The following SKOR1 variants were observed in gnomAD, a reference collection of about 807,000 sequenced individuals.
SKOR1 encodes the protein SKI family transcriptional corepressor 1.
In SKOR1, 38 loss-of-function variants were observed where a neutral mutation model predicts 72.4. The observed-to-expected ratio is 0.52, with a 90% CI of 0.40 to 0.69. The LOEUF is 0.69. Among genes scored for constraint, SKOR1 ranks in the 30% least tolerant of loss-of-function variants. The pLI, the probability that SKOR1 is intolerant of heterozygous loss-of-function variation, is 0.00. For synonymous variants in SKOR1, 642 were observed against 599.4 expected, an observed-to-expected ratio of 1.07 and a Z score of -1.04; for missense variants, 1,320 against 1,343.2, an observed-to-expected ratio of 0.98 and a Z score of 0.27.
chr15:67,831,628 C>T (rs535532014), intron 5 of SKOR1, among the ~76,000 whole-genome samples: 92 of 152,266 alleles, frequency 6.0e-4, no homozygotes, highest in Middle Eastern at 3.4e-3. Context: ...ACACCTAGCT[C>T]CCTGCCCCTC....
intron 2 of SKOR1, 111 bp from the exon 3 acceptor site, chr15:67,829,068 C>A: frequency 4.1e-6 from 4 of 984,038 alleles, no homozygotes; most frequent in Non-Finnish European, 5.8e-6. Context: ...GCGGGCGCAC[C>A]AACCTTTGCC....
Position 67,827,892 on chromosome 15 carries a change from C to T in SKOR1, c.2064C>T (p.Gly688=), listed in dbSNP as rs774636537. 6 of 1,600,016 alleles carry T rather than the reference C, an allele frequency of 3.7e-6. No homozygotes were observed. Among genetic ancestry groups the T allele is most frequent in the South Asian group, 2.2e-5 (2 of 88,932 alleles). Residue 688 remains glycine, a synonymous_variant, in exon 2 of 9, where the codon GGC becomes GGT. Transcript: ENST00000380035. Reference sequence around the variant, plus strand: ...CCAGCGCACCCAGCGCAGGGGGCGGCCCAGACGGTGAACAGCCCACTGGAC... The same window carrying T: ...CCAGCGCACCCAGCGCAGGGGGCGGTCCAGACGGTGAACAGCCCACTGGAC... ...TEPSAPSAGG[G]PDGEQPTGPP...
rs2091025374 is a variant in SKOR1 at position 67,833,604 on chromosome 15, C to T, written c.2804-138C>T. 2.3e-6 allele frequency: 2 copies of T among 879,080 alleles called. No homozygotes were observed. The highest frequency in any genetic ancestry group is 3.6e-5 in the Admixed American group (2 of 55,034). The allele number at this position is 879,080 out of a possible 1,614,324, so 54.5% of individuals were successfully genotyped here. The stretch of plus-strand genomic sequence containing the variant: ...GAATCACCAGCTTTTGTCCTACCCT[C>T]CTGCCTCCTCCTGATCCGCTCGGTT... On this transcript the variant is annotated intron_variant, in intron 8 of 8. Transcript: ENST00000380035. The surrounding 1 kb of genome is among the most constrained non-coding windows in gnomAD (Gnocchi z 6.0).
Position 67,833,312 on chromosome 15 carries a change from C to G in SKOR1, c.2803+55C>G. The G allele has an allele frequency of 5.1e-6, 8 of 1,567,458 alleles. No homozygotes were observed. The highest frequency in any genetic ancestry group is 7.0e-6 in the Non-Finnish European group (8 of 1,139,520). ...GGGTGCTGGGTGCCGGCCGTGCTGTCGACTGAATGAATGAATAGTGGGACT... is the reference window on the plus strand; with the variant it reads ...GGGTGCTGGGTGCCGGCCGTGCTGTGGACTGAATGAATGAATAGTGGGACT... On this transcript the variant is annotated intron_variant, in intron 8 of 8. Transcript: ENST00000380035. This position sits in a 1 kb window ranked among gnomAD's most constrained non-coding sequence, Gnocchi z 6.0.
chr15:67,826,832 G>A lies in SKOR1; in HGVS notation c.1004G>A (p.Gly335Glu). ...CGCTGTGGCGAAGATGAGGCTGCCG[G>A]GCCTCCGGGGCCACCTCCACCCCAC... Reference protein sequence around the residue: ...SLRCGEDEAAGPPGPPPPHPQ... With the variant: ...SLRCGEDEAAEPPGPPPPHPQ... Residue 335 changes from glycine (G) to glutamate (E), a missense_variant, in exon 2 of 9, where the codon GGG becomes GAG. Coordinates refer to ENST00000380035, the MANE Select transcript of SKOR1 (RefSeq NM_001365915.1). 6.6e-7 allele frequency: 1 copy of A among 1,523,228 alleles called. No individual in the cohort carries two copies. The highest frequency in any genetic ancestry group is 1.2e-5 in the South Asian group (1 of 82,932). 94.4% of individuals were successfully genotyped at this position (1,523,228 alleles called of 1,614,324 possible). A position where few individuals can be genotyped will look rare whatever the true frequency, so the allele number is the denominator to read the frequency against.
At position 67,830,012 on chromosome 15, in the gene SKOR1, G is replaced by A. The variant is rs185286309; in HGVS notation, c.2408-179G>A. On this transcript the variant is annotated intron_variant, in intron 3 of 8. Transcript: ENST00000380035. ...AAGCCCGGAGATGAGCAGACCAGGC[G>A]CGGGGGTGGGGGGTGCCCGGCCCAA... Among the ~76,000 whole-genome samples, 1,286 of 152,318 alleles carry A rather than the reference G, an allele frequency of 8.4e-3. 22 individuals carry two copies. The highest frequency in any genetic ancestry group is 8.8e-3 in the Non-Finnish European group (601 of 68,020).
In SKOR1 at chr15:67,834,337, A is replaced by G. The variant is rs3803522; in HGVS notation, c.*501A>G. On this transcript the variant is annotated 3_prime_UTR_variant, in exon 9 of 9. Coordinates refer to ENST00000380035, the MANE Select transcript of SKOR1 (RefSeq NM_001365915.1). This position sits in a 1 kb window ranked among gnomAD's most constrained non-coding sequence, Gnocchi z 5.8. ...GTATTAGGTTCACTTTAATTTATTT[A>G]TGCTGTAAGTTATTTTTGCTTCCTT... 0.19 allele frequency: 31,374 copies of G among 164,160 alleles called. 3,168 individuals carry two copies. The highest frequency in any genetic ancestry group is 0.3 in the South Asian group (1,876 of 6,250). The allele number at this position is 164,160 out of a possible 1,614,324, so 10.2% of individuals were successfully genotyped here. A position where few individuals can be genotyped will look rare whatever the true frequency, so the allele number is the denominator to read the frequency against.
rs763369734 is a variant in SKOR1, at chr15:67,826,668, C to G, written c.840C>G (p.Phe280Leu). The change falls in exon 2 of 9, where the codon TTC becomes TTG. Residue 280 changes from phenylalanine to leucine, a missense_variant. Physicochemically the swap from Phe to Leu is conservative, Grantham distance 22 (BLOSUM62 0). Coordinates refer to ENST00000380035, the MANE Select transcript of SKOR1 (RefSeq NM_001365915.1). ...ATGGCGGCACGCGCAAGCGGACCTT[C>G]TCCCTACAAGGAGGCGGCGGAGGCG... ...MFNGGTRKRTFSLQGGGGGGA... is the reference protein window; with the variant it reads ...MFNGGTRKRTLSLQGGGGGGA... 4 of 1,599,616 alleles carry G rather than the reference C, an allele frequency of 2.5e-6. No homozygotes were observed. Among genetic ancestry groups the G allele is most frequent in the Non-Finnish European group, 2.6e-6 (3 of 1,173,392 alleles).
Position 67,833,350 on chromosome 15 carries a change from C to A in SKOR1, c.2803+93C>A. On this transcript the variant is annotated intron_variant, in intron 8 of 8. Transcript: ENST00000380035. The surrounding 1 kb of genome is among the most constrained non-coding windows in gnomAD (Gnocchi z 6.0). ...GAATAGTGGGACTAGTGAGGAAGGC[C>A]ACGATCCACGTGGATCAGGATCTGT... The A allele has an allele frequency of 1.6e-6, 2 of 1,272,166 alleles. No homozygotes were observed. Among genetic ancestry groups the A allele is most frequent in the Non-Finnish European group, 1.1e-6 (1 of 877,930 alleles). 78.8% of individuals were successfully genotyped at this position (1,272,166 alleles called of 1,614,324 possible). A position where few individuals can be genotyped will look rare whatever the true frequency, so the allele number is the denominator to read the frequency against.
rs1174748109 is a variant in SKOR1, at chr15:67,830,953, G to A, written c.2587+64G>A. On this transcript the variant is annotated intron_variant, in intron 5 of 8. Transcript: ENST00000380035. Reference sequence around the variant, plus strand: ...GAGAGTGATGGGTCATTCCTGTAGAGGGGTGTTATCCCTGTAGGGGGTGAG... The same window carrying A: ...GAGAGTGATGGGTCATTCCTGTAGAAGGGTGTTATCCCTGTAGGGGGTGAG... 7 of 1,518,114 alleles carry A rather than the reference G, an allele frequency of 4.6e-6. No individual in the cohort carries two copies. The Admixed American group carries it at 6.7e-5, about 15-fold the overall frequency. 94.0% of individuals were successfully genotyped at this position (1,518,114 alleles called of 1,614,324 possible).
chr15:67,833,205 CGAACT>C lies in SKOR1; in HGVS notation c.2752_2756del (p.Glu918ArgfsTer64). 6.2e-7 allele frequency: 1 copy of C among 1,614,038 alleles called. No homozygotes were observed. The highest frequency in any genetic ancestry group is 8.5e-7 in the Non-Finnish European group (1 of 1,180,006). On this transcript the variant is annotated frameshift_variant, in exon 8 of 9. Transcript: ENST00000380035. LOFTEE classifies it high-confidence loss of function. The surrounding 1 kb of genome is among the most constrained non-coding windows in gnomAD (Gnocchi z 6.0). ...CTTGTCTTCCAGATACCCTGTGTAA[CGAACT>C]CGACCAGGAGCGGAAGGCGCGCTAT...
Position 67,833,081 on chromosome 15 carries a change from T to C in SKOR1, c.2738-111T>C. On this transcript the variant is annotated intron_variant, in intron 7 of 8. Coordinates refer to ENST00000380035, the MANE Select transcript of SKOR1 (RefSeq NM_001365915.1). This position sits in a 1 kb window ranked among gnomAD's most constrained non-coding sequence, Gnocchi z 6.0. ...GGTACCCCCTCCCCCATCCCTGGAG[T>C]TGTTTCTGCGCGGAGCTTAGCCCTG... The C allele has an allele frequency of 1.8e-6, 2 of 1,104,154 alleles. No individual in the cohort carries two copies. The highest frequency in any genetic ancestry group is 2.7e-6 in the Non-Finnish European group (2 of 738,920). 68.4% of individuals were successfully genotyped at this position (1,104,154 alleles called of 1,614,324 possible). A position where few individuals can be genotyped will look rare whatever the true frequency, so the allele number is the denominator to read the frequency against.
In SKOR1 at chr15:67,826,718, A is replaced by C. The variant is rs2090961310; in HGVS notation, c.890A>C (p.Gln297Pro). Residue 297 changes from glutamine (Q) to proline (P), a missense_variant, in exon 2 of 9, where the codon CAG (glutamine) becomes CCG (proline). Gln to Pro is a moderately conservative substitution (Grantham distance 76). This residue lies in a region of SKOR1 where 1,099 missense variants were observed against 1,025.5 expected (regional missense o/e 1.07). Transcript: ENST00000380035. ...GGTGCCAATGGCGGGTCGGGTGGGCAGGGGAAGGGTGGTGCTGGCGGCGGT... is the reference window on the plus strand; with the variant it reads ...GGTGCCAATGGCGGGTCGGGTGGGCCGGGGAAGGGTGGTGCTGGCGGCGGT... ...GGGANGGSGG[Q>P]GKGGAGGGGG... 8.4e-7 allele frequency: 1 copy of C among 1,195,778 alleles called. No homozygotes were observed. Among genetic ancestry groups the C allele is most frequent in the Non-Finnish European group, 1.2e-6 (1 of 836,892 alleles). 74.1% of individuals were successfully genotyped at this position (1,195,778 alleles called of 1,614,324 possible).
chr15:67,830,960 T>A (rs555327825), intron 5 of SKOR1, 71 bp downstream of exon 5: 2 of 1,471,802 alleles, frequency 1.4e-6, no homozygotes, highest in South Asian at 2.3e-5. Flanking sequence ...AGAGGGGTGT[T>A]ATCCCTGTAG....
In SKOR1 at chr15:67,825,552, G is replaced by C. The variant is rs375168768; in HGVS notation, c.-51G>C. On this transcript the variant is annotated 5_prime_UTR_variant, in exon 1 of 9. Coordinates refer to ENST00000380035, the MANE Select transcript of SKOR1 (RefSeq NM_001365915.1). The surrounding 1 kb of genome is among the most constrained non-coding windows in gnomAD (Gnocchi z 5.6). ...CCCGGGCCGGCAGCACCGGCTGCGA[G>C]GGTTGCCGAAGGCGCACGGATCTGG... 1 of 724,042 alleles carries C rather than the reference G, an allele frequency of 1.4e-6. No homozygotes were observed. Among genetic ancestry groups the C allele is most frequent in the African/African-American group, 1.7e-5 (1 of 57,560 alleles). The allele number at this position is 724,042 out of a possible 1,614,324, so 44.9% of individuals were successfully genotyped here. A position where few individuals can be genotyped will look rare whatever the true frequency, so the allele number is the denominator to read the frequency against.
rs1019490894 is a variant in SKOR1, at chr15:67,834,128, G to C, written c.*292G>C. ...CCTCAAGGGGTTAACTGGACAGACG[G>C]GGGGCGGGAGGGGAGAGCGCCCCCT... is the stretch of plus-strand genomic sequence containing the variant. On this transcript the variant is annotated 3_prime_UTR_variant, in exon 9 of 9. Coordinates refer to ENST00000380035, the MANE Select transcript of SKOR1 (RefSeq NM_001365915.1). The surrounding 1 kb of genome is among the most constrained non-coding windows in gnomAD (Gnocchi z 5.8). The C allele has an allele frequency of 4.4e-5, 21 of 480,588 alleles. No individual in the cohort carries two copies. Among genetic ancestry groups the C allele is most frequent in the African/African-American group, 5.9e-5 (3 of 51,104 alleles). 29.8% of individuals were successfully genotyped at this position (480,588 alleles called of 1,614,324 possible). A position where few individuals can be genotyped will look rare whatever the true frequency, so the allele number is the denominator to read the frequency against.
At chr15:67,831,840 C>A (rs1412469800) in intron 5 of SKOR1, among the ~76,000 whole-genome samples, 2 of 144,368 alleles carry the variant, frequency 1.4e-5, no homozygotes, top group Non-Finnish European at 3.0e-5. Context: ...GTGTATTTTT[C>A]TGGGAAAGGT....
intron 5 of SKOR1, among the ~76,000 whole-genome samples, chr15:67,831,146 G>A (rs1407181798): frequency 6.6e-6 from 1 of 152,320 alleles, no homozygotes; most frequent in Non-Finnish European, 1.5e-5. Context: ...GGTTCCCAAG[G>A]CCCGGGTCTG....
rs754353291 is a variant in SKOR1, at chr15:67,829,225, C to T, written c.2363C>T (p.Ala788Val). 8.3e-6 allele frequency: 13 copies of T among 1,573,584 alleles called. No individual in the cohort carries two copies. The Admixed American group carries it at 1.1e-4, about 13-fold the overall frequency. Residue 788 changes from alanine (A) to valine (V), a missense_variant, in exon 3 of 9, where the codon GCG becomes GTG. Ala to Val is a moderately conservative substitution (Grantham distance 64, BLOSUM62 0). This residue lies in a region of SKOR1 where 1,099 missense variants were observed against 1,025.5 expected (regional missense o/e 1.07). Transcript: ENST00000380035. ...RDEHVKSAAV[A>V]LGPAASYVCT... Reference sequence around the variant, plus strand: ...GAGCACGTGAAGAGCGCGGCGGTGGCGCTGGGGCCCGCGGCCTCCTACGTC... The same window carrying T: ...GAGCACGTGAAGAGCGCGGCGGTGGTGCTGGGGCCCGCGGCCTCCTACGTC...
Sources: gnomAD v4.1 joint callset for allele counts (sites outside exome capture counted in the v4.1 genomes callset) on GRCh38, gnomAD v4.1.1 for gene constraint, gnomAD v4.1.1 regional missense constraint, Gnocchi (gnomAD v3.1) non-coding constraint, MANE v1.5 for transcripts, NCBI Gene and HGNC (gene_info 2026-07-23, HGNC 2026-07-21) for gene names.